The following PRTG variants were observed in gnomAD, a reference collection of about 807,000 sequenced individuals.
PRTG encodes protogenin, also known as immunoglobulin superfamily, DCC subclass, member 5.
A neutral mutation model predicts 122.5 loss-of-function variants in PRTG; 67 were observed. The observed-to-expected ratio is 0.55, with a 90% CI of 0.45 to 0.67. The LOEUF is 0.67. PRTG is among the 30% of genes least tolerant of loss of function. PRTG has a pLI of 0.00. For synonymous variants in PRTG, 554 were observed against 501.1 expected (o/e 1.11, Z -1.41); for missense variants, 1,435 against 1,415.4 (o/e 1.01, Z -0.22).
At chr15:55,721,002 G>A (rs1349005663) in intron 2 of PRTG, among the ~76,000 whole-genome samples, 3 of 151,836 alleles carry the variant, frequency 2.0e-5, no homozygotes, top group African/African-American at 7.3e-5. Context: ...GTTTTTCCCA[G>A]CCAAATTCAT....
At chr15:55,661,884 T>C (rs184072174) in intron 11 of PRTG, among the ~76,000 whole-genome samples, 1 of 100,310 alleles carries the variant, frequency 1.0e-5, no homozygotes, top group Non-Finnish European at 2.3e-5. Context: ...AAAGAAATCT[T>C]GCTTAATACT....
intron 11 of PRTG, among the ~76,000 whole-genome samples, chr15:55,650,790 C>A (rs1290274538): frequency 6.6e-6 from 1 of 151,962 alleles, no homozygotes; most frequent in Non-Finnish European, 1.5e-5. Context: ...CACAGCAAAG[C>A]CCCCGTCCCT....
chr15:55,620,580 C>T, intron 19 of PRTG, 83 bp downstream of exon 19: 1 of 1,491,466 alleles, frequency 6.7e-7, no homozygotes, highest in South Asian at 1.4e-5. Context: ...TAAAATAAAG[C>T]ATGAATTCAC....
At chr15:55,678,124 C>G (rs1595642566) in intron 7 of PRTG, 80 bp from the exon 8 acceptor site, 2 of 790,816 alleles carry the variant, frequency 2.5e-6, no homozygotes, top group African/African-American at 3.5e-5. Flanking sequence ...GCTAAATATA[C>G]TCTCATTTTA....
intron 2 of PRTG, chr15:55,703,003 G>T: frequency 1.3e-6 from 1 of 799,048 alleles, no homozygotes; most frequent in Non-Finnish European, 1.5e-6. Context: ...ACATAGCACA[G>T]AATCCACTAG....
At chr15:55,644,188 G>C (rs546723685) in intron 11 of PRTG, among the ~76,000 whole-genome samples, 45 of 152,250 alleles carry the variant, frequency 3.0e-4, no homozygotes, top group Non-Finnish European at 6.2e-4. Context: ...AGGGTCTTTA[G>C]GAAAGCCTCC....
At position 55,642,159 on chromosome 15, in the gene PRTG, C is replaced by T. The variant is rs554857978; in HGVS notation, c.2042-951G>A. On this transcript the variant is annotated intron_variant, in intron 11 of 19. Coordinates refer to ENST00000389286, the MANE Select transcript of PRTG (RefSeq NM_173814.6). ...ACTGCAGTCCGCAGTCCGGCCTGGG[C>T]GACAGAGCGAGACTCCGTCTCAAAA... Among the ~76,000 whole-genome samples, 1,119 of 112,910 alleles carry T rather than the reference C, an allele frequency of 9.9e-3. 34 individuals carry two copies. The highest frequency in any genetic ancestry group is 0.043 in the African/African-American group (975 of 22,606). 74.1% of individuals were successfully genotyped at this position (112,910 alleles called of 152,430 possible).
At chr15:55,710,274 G>C (rs2030326307) in intron 2 of PRTG, among the ~76,000 whole-genome samples, 1 of 152,106 alleles carries the variant, frequency 6.6e-6, no homozygotes, top group Non-Finnish European at 1.5e-5. Context: ...ATTTTCATCA[G>C]TTTCTTCATC....
intron 2 of PRTG, among the ~76,000 whole-genome samples, chr15:55,734,957 T>G (rs1212848186): frequency 1.3e-5 from 2 of 152,212 alleles, no homozygotes; most frequent in Non-Finnish European, 2.9e-5. Flanking sequence ...GTGAGCTTGC[T>G]CTGCTCTGTG....
In PRTG at chr15:55,663,966, T is replaced by C. The variant is rs547786794; in HGVS notation, c.2041+8479A>G. ...ATCCATGAATTGTTGCAAGCAGCAATATAGTTTGCTGCTTTTTACTGCTGA... is the reference window on the plus strand; with the variant it reads ...ATCCATGAATTGTTGCAAGCAGCAACATAGTTTGCTGCTTTTTACTGCTGA... On this transcript the variant is annotated intron_variant, in intron 11 of 19. Transcript: ENST00000389286. Among the ~76,000 whole-genome samples the C allele has an allele frequency of 7.9e-5, 12 of 152,316 alleles. No individual in the cohort carries two copies. The East Asian group carries it at 2.3e-3, about 29-fold the overall frequency.
chr15:55,694,952 T>G (rs943987057), intron 2 of PRTG, among the ~76,000 whole-genome samples: 21 of 152,214 alleles, frequency 1.4e-4, no homozygotes, highest in African/African-American at 4.6e-4. Flanking sequence ...TCATTAAAGC[T>G]GTGCTGTTAA....
At chr15:55,635,676 C>T (rs566816101) in intron 15 of PRTG, among the ~76,000 whole-genome samples, 27 of 152,260 alleles carry the variant, frequency 1.8e-4, no homozygotes, top group African/African-American at 5.1e-4. Flanking sequence ...ATGAAAAATA[C>T]GAACATGCAA....
At chr15:55,624,616 C>A in intron 17 of PRTG, 109 bp from the exon 18 acceptor site, 1 of 728,406 alleles carries the variant, frequency 1.4e-6, no homozygotes, top group Non-Finnish European at 2.1e-6. Flanking sequence ...TCTTTAATAC[C>A]CATTTCTCAA....
rs368283328 is a variant in PRTG at position 55,637,162 on chromosome 15, A to C, written c.2623+8T>G. 1.3e-6 allele frequency: 2 copies of C among 1,527,960 alleles called. No individual in the cohort carries two copies. The highest frequency in any genetic ancestry group is 2.8e-5 in the African/African-American group (2 of 72,486). The allele number at this position is 1,527,960 out of a possible 1,614,324, so 94.7% of individuals were successfully genotyped here. On this transcript the variant is annotated splice_region_variant and intron_variant, in intron 15 of 19. Transcript: ENST00000389286. Reference sequence around the variant, plus strand: ...TTTTCACCCTTCATGGCAATTTATGATATTTACCTTCACGGTGTAAGACCT... The same window carrying C: ...TTTTCACCCTTCATGGCAATTTATGCTATTTACCTTCACGGTGTAAGACCT...
At chr15:55,640,778 G>T (rs1001543313) in intron 12 of PRTG, among the ~76,000 whole-genome samples, 44 of 152,106 alleles carry the variant, frequency 2.9e-4, no homozygotes, top group Middle Eastern at 3.4e-3. Context: ...GGGAGGCCAA[G>T]GCGGGTAGAT....
intron 8 of PRTG, 118 bp downstream of exon 8, chr15:55,677,679 G>A: frequency 1.1e-6 from 1 of 880,888 alleles, no homozygotes; most frequent in Non-Finnish European, 1.7e-6. Context: ...TATCAAAGAA[G>A]ATAAATGCCA....
chr15:55,715,998 C>A (rs577621730), intron 2 of PRTG, among the ~76,000 whole-genome samples: 1 of 152,286 alleles, frequency 6.6e-6, no homozygotes, highest in Admixed American at 6.5e-5. Flanking sequence ...AGATACCATC[C>A]AAAAACTATC....
intron 2 of PRTG, among the ~76,000 whole-genome samples, chr15:55,708,148 TAAAAAA>T (rs35216342): frequency 8.6e-5 from 6 of 70,040 alleles, no homozygotes; most frequent in African/African-American, 2.5e-4. Flanking sequence ...AGTAAGCTGG[TAAAAAA>T]AAAAAAAAAA....
chr15:55,631,017 C>T (rs773234126), intron 15 of PRTG, among the ~76,000 whole-genome samples: 5 of 152,090 alleles, frequency 3.3e-5, no homozygotes, highest in African/African-American at 4.8e-5. Context: ...GGTCATGAGA[C>T]GGAGGCCATC....
Sources: allele counts gnomAD v4.1 joint callset (sites outside exome capture counted in the v4.1 genomes callset), GRCh38; gene constraint gnomAD v4.1.1; transcripts MANE v1.5; gene names NCBI Gene and HGNC (gene_info 2026-07-23, HGNC 2026-07-21).